Variants in SPRR2G observed in about 807,000 individuals in gnomAD.
The protein encoded by SPRR2G is small proline-rich protein 2G.
In SPRR2G, 1 loss-of-function variant was observed where a neutral mutation model predicts 0.7. The ratio of observed to expected loss-of-function variants is 1.49; its 90% CI spans 0.53 to 7.06. The LOEUF is 7.06. SPRR2G is among the 30% of genes most tolerant of loss of function. The pLI is 0.14. For synonymous variants in SPRR2G, 38 were observed against 33.9 expected (o/e 1.12, Z -0.42); for missense variants, 96 against 88.5 (o/e 1.09, Z -0.34).
upstream of SPRR2G, among the ~76,000 whole-genome samples, chr1:153,154,312 T>A (rs1237793311): frequency 6.6e-6 from 1 of 152,130 alleles, no homozygotes; most frequent in Non-Finnish European, 1.5e-5. Flanking sequence ...TGTTGGCCTG[T>A]AATTTTTTTA....
At chr1:153,179,504 T>C in the SPRR2G span, among the ~76,000 whole-genome samples, 17 of 152,250 alleles carry the variant, frequency 1.1e-4, no homozygotes, top group Non-Finnish European at 2.2e-4. Flanking sequence ...ATTTGTGAAA[T>C]GGTTTCATTT....
the SPRR2G span, among the ~76,000 whole-genome samples, chr1:153,161,265 T>C: frequency 1.6e-5 from 1 of 63,058 alleles, no homozygotes; most frequent in African/African-American, 4.1e-5. Context: ...GTAGTCATCC[T>C]AACACATATG....
At chr1:153,194,225 G>A in the SPRR2G span, among the ~76,000 whole-genome samples, 1 of 152,098 alleles carries the variant, frequency 6.6e-6, no homozygotes, top group Non-Finnish European at 1.5e-5. Flanking sequence ...GAATAGCATA[G>A]ATGAAGAAGA....
upstream of SPRR2G, among the ~76,000 whole-genome samples, chr1:153,154,782 A>G (rs1298714193): frequency 1.3e-5 from 2 of 152,042 alleles, no homozygotes; most frequent in East Asian, 3.8e-4. Flanking sequence ...TTGTCAAATG[A>G]GTCATCTACA....
chr1:153,192,543 T>C, the SPRR2G span, among the ~76,000 whole-genome samples: 7 of 152,138 alleles, frequency 4.6e-5, no homozygotes, highest in Admixed American at 1.3e-4. Context: ...TCCCCCCAAA[T>C]TGCACCCACT....
At chr1:153,153,117 T>C (rs902035813), upstream of SPRR2G, among the ~76,000 whole-genome samples, 15 of 152,302 alleles carry the variant, frequency 9.8e-5, no homozygotes, top group African/African-American at 3.6e-4. Flanking sequence ...TATAAACTAG[T>C]AACCGTGGTT....
chr1:153,174,072 C>A, the SPRR2G span, among the ~76,000 whole-genome samples: 2 of 152,194 alleles, frequency 1.3e-5, no homozygotes, highest in East Asian at 3.8e-4. Flanking sequence ...ACATACATTT[C>A]TCTTATATGT....
At chr1:153,200,770 G>A in the SPRR2G span, among the ~76,000 whole-genome samples, 1 of 149,010 alleles carries the variant, frequency 6.7e-6, no homozygotes, top group Non-Finnish European at 1.5e-5. Flanking sequence ...CGTGATCTCT[G>A]CTCACTGCAA....
chr1:153,166,319 G>A, the SPRR2G span, among the ~76,000 whole-genome samples: 10 of 152,258 alleles, frequency 6.6e-5, no homozygotes, highest in African/African-American at 1.9e-4. Flanking sequence ...GGGAATGAAA[G>A]GTTTTTAATC....
chr1:153,166,929 G>GA, the SPRR2G span, among the ~76,000 whole-genome samples: 64 of 151,076 alleles, frequency 4.2e-4, no homozygotes, highest in African/African-American at 1.2e-3. Flanking sequence ...AAGTGTTTAG[G>GA]AAAAAAAAAT....
the SPRR2G span, among the ~76,000 whole-genome samples, chr1:153,157,744 C>A: frequency 6.6e-6 from 1 of 151,998 alleles, no homozygotes; most frequent in South Asian, 2.1e-4. Context: ...TGCACAGTAC[C>A]ATTAGTCCGT....
chr1:153,189,394 G>A, the SPRR2G span, among the ~76,000 whole-genome samples: 2 of 151,170 alleles, frequency 1.3e-5, no homozygotes, highest in Non-Finnish European at 3.0e-5. Flanking sequence ...ATACTTATTA[G>A]GATTAATAAT....
At chr1:153,168,860 G>A in the SPRR2G span, among the ~76,000 whole-genome samples, 3 of 151,326 alleles carry the variant, frequency 2.0e-5, no homozygotes, top group African/African-American at 7.3e-5. Flanking sequence ...ACCCTATCTG[G>A]ATGCCAATCC....
At chr1:153,192,097 A>C in the SPRR2G span, among the ~76,000 whole-genome samples, 1 of 152,206 alleles carries the variant, frequency 6.6e-6, no homozygotes, top group Admixed American at 6.5e-5. Context: ...CATGTGCTGC[A>C]TGAACCATTA....
chr1:153,165,362 G>C, the SPRR2G span, among the ~76,000 whole-genome samples: 2 of 152,186 alleles, frequency 1.3e-5, no homozygotes, highest in African/African-American at 4.8e-5. Context: ...GCATAAAACT[G>C]AACCTGGAGT....
At chr1:153,162,545 A>G in the SPRR2G span, among the ~76,000 whole-genome samples, 1 of 152,154 alleles carries the variant, frequency 6.6e-6, no homozygotes. Context: ...AGGGCTGGGG[A>G]AACAGACAGA....
the SPRR2G span, among the ~76,000 whole-genome samples, chr1:153,184,804 C>T: frequency 8.5e-5 from 13 of 152,262 alleles, no homozygotes; most frequent in South Asian, 2.7e-3. Context: ...GTAATCCTTC[C>T]AGTTTTTGCA....
the SPRR2G span, among the ~76,000 whole-genome samples, chr1:153,199,977 T>G: frequency 6.6e-6 from 1 of 152,012 alleles, no homozygotes; most frequent in African/African-American, 2.4e-5. Context: ...ATAGAAATAC[T>G]TTGCCAAAAA....
the SPRR2G span, among the ~76,000 whole-genome samples, chr1:153,173,332 C>A: frequency 1.3e-5 from 2 of 151,910 alleles, no homozygotes; most frequent in East Asian, 3.9e-4. Context: ...GTGGTTTGGA[C>A]AATAAGAAAG....
Sources: allele counts gnomAD v4.1 joint callset (sites outside exome capture counted in the v4.1 genomes callset), GRCh38; gene constraint gnomAD v4.1.1; transcripts MANE v1.5; gene names NCBI Gene and HGNC (gene_info 2026-07-23, HGNC 2026-07-21).